The following PEAK1 variants were observed in gnomAD, a reference collection of about 807,000 sequenced individuals.
The protein encoded by PEAK1 is pseudopodium enriched atypical kinase 1.
PEAK1 carries 54 observed loss-of-function variants against 124.7 expected under a neutral mutation model. The ratio of observed to expected loss-of-function variants is 0.43; its 90% confidence interval spans 0.35 to 0.54. The LOEUF (loss-of-function observed/expected upper bound fraction) is 0.54, where lower values mean the gene tolerates loss of function less well. Ranked by LOEUF, PEAK1 falls within the 20% of genes least tolerant of loss-of-function variation. The pLI is 0.01. For missense variants in PEAK1, 2,046 were observed against 2,134.5 expected (o/e 0.96, Z 0.82); for synonymous variants, 719 against 760.0 (o/e 0.95, Z 0.89).
Position 77,182,033 on chromosome 15 carries a change from T to C in PEAK1, c.-107A>G. On this transcript the variant is annotated 5_prime_UTR_variant, in exon 7 of 10. Coordinates refer to ENST00000682557, the MANE Select transcript of PEAK1 (RefSeq NM_001385026.1). ...TGTGTTACAGCAGCTCTTCTAAGAA[T>C]GATCAATCTGTGGAGGGGAAAAGAA... 2.1e-6 allele frequency: 3 copies of C among 1,452,838 alleles called. No individual in the cohort carries two copies. Among genetic ancestry groups the C allele is most frequent in the African/African-American group, 1.4e-5 (1 of 70,612 alleles). 90.0% of individuals were successfully genotyped at this position (1,452,838 alleles called of 1,614,324 possible).
intron 2 of PEAK1, among the ~76,000 whole-genome samples, chr15:77,295,895 C>T (rs1451228679): frequency 6.6e-6 from 1 of 152,142 alleles, no homozygotes; most frequent in African/African-American, 2.4e-5. Flanking sequence ...AAAGCTTCAA[C>T]AGTGAATATT....
chr15:77,326,986 A>G (rs893397097), intron 2 of PEAK1, among the ~76,000 whole-genome samples: 5 of 152,100 alleles, frequency 3.3e-5, no homozygotes, highest in Admixed American at 2.0e-4. Context: ...CCACATCCAA[A>G]AATACTTAGC....
intron 2 of PEAK1, among the ~76,000 whole-genome samples, chr15:77,361,860 C>G (rs1281364344): frequency 6.6e-6 from 1 of 151,120 alleles, no homozygotes; most frequent in Non-Finnish European, 1.5e-5. Flanking sequence ...TGAAGAAAAT[C>G]TGGAATATAT....
chr15:77,145,776 T>G (rs536915796), intron 8 of PEAK1, among the ~76,000 whole-genome samples: 103 of 152,318 alleles, frequency 6.8e-4, no homozygotes, highest in African/African-American at 2.5e-3. Context: ...AGGCTTTCAT[T>G]AAACCTTTAA....
intron 1 of PEAK1, among the ~76,000 whole-genome samples, chr15:77,391,974 A>G (rs1188208653): frequency 1.3e-5 from 2 of 152,218 alleles, no homozygotes; most frequent in Admixed American, 1.3e-4. Context: ...CTTAGCCTAT[A>G]AACTATCTCT....
At chr15:77,222,845 C>T (rs2059450112) in intron 6 of PEAK1, among the ~76,000 whole-genome samples, 1 of 151,958 alleles carries the variant, frequency 6.6e-6, no homozygotes, top group South Asian at 2.1e-4. Context: ...AAATAAAGCG[C>T]AAACAGATTT....
intron 1 of PEAK1, chr15:77,419,065 T>C (rs1440788284): frequency 6.1e-6 from 6 of 985,248 alleles, no homozygotes; most frequent in African/African-American, 1.7e-5. Flanking sequence ...GATGAAATCA[T>C]AGTTTTCCTC....
intron 7 of PEAK1, among the ~76,000 whole-genome samples, chr15:77,162,493 C>CAA (rs71143393): frequency 2.3e-3 from 158 of 70,168 alleles, no homozygotes; most frequent in East Asian, 8.9e-3. Context: ...GACTCCATCT[C>CAA]AAAAAAAAAA....
intron 6 of PEAK1, among the ~76,000 whole-genome samples, chr15:77,225,346 A>G (rs990669475): frequency 6.6e-5 from 10 of 151,980 alleles, no homozygotes; most frequent in African/African-American, 2.4e-4. Flanking sequence ...CTGAGACAGT[A>G]CATTTCATTT....
At chr15:77,305,786 T>C (rs979048273) in intron 2 of PEAK1, among the ~76,000 whole-genome samples, 1 of 152,222 alleles carries the variant, frequency 6.6e-6, no homozygotes, top group African/African-American at 2.4e-5. Context: ...TGTGCACATC[T>C]TCCCGCATAC....
At chr15:77,206,823 T>C (rs1228600941) in intron 6 of PEAK1, among the ~76,000 whole-genome samples, 1 of 152,158 alleles carries the variant, frequency 6.6e-6, no homozygotes, top group African/African-American at 2.4e-5. Flanking sequence ...CAGAAGCTCT[T>C]TAGTTTAATT....
chr15:77,168,500 C>A (rs2056283440), intron 7 of PEAK1, among the ~76,000 whole-genome samples: 1 of 152,168 alleles, frequency 6.6e-6, no homozygotes. Flanking sequence ...CAGCCATAGA[C>A]AACATGTAAA....
At chr15:77,204,649 A>C (rs1171535126) in intron 6 of PEAK1, 1 of 152,622 alleles carries the variant, frequency 6.6e-6, no homozygotes, top group Non-Finnish European at 1.5e-5. Context: ...AAAGGAAGCC[A>C]ATCCCAGCAC....
chr15:77,179,066 C>T lies in PEAK1; in HGVS notation c.2861G>A (p.Gly954Asp). The T allele has an allele frequency of 6.2e-7, 1 of 1,614,118 alleles. No individual in the cohort carries two copies. Residue 954 changes from glycine (G) to aspartate (D), a missense_variant, in exon 7 of 10, where the codon GGC becomes GAC. Gly to Asp is a moderately conservative substitution (Grantham distance 94). Coordinates refer to ENST00000682557, the MANE Select transcript of PEAK1 (RefSeq NM_001385026.1). ...EKEREKGKLV[G>D]LDGTVIHMLP... Reference sequence around the variant, plus strand: ...CATGTGAATGACTGTGCCATCCAGGCCCACCAGTTTCCCTTTCTCTCGCTC... The same window carrying T: ...CATGTGAATGACTGTGCCATCCAGGTCCACCAGTTTCCCTTTCTCTCGCTC...
At chr15:77,329,665 C>T (rs2065784603) in intron 2 of PEAK1, among the ~76,000 whole-genome samples, 1 of 152,164 alleles carries the variant, frequency 6.6e-6, no homozygotes, top group South Asian at 2.1e-4. Flanking sequence ...CATTCATTAG[C>T]AAGGATGACC....
chr15:77,108,151 T>G (rs554916921), downstream of PEAK1: 5 of 152,266 alleles, frequency 3.3e-5, no homozygotes, highest in African/African-American at 1.2e-4. Context: ...GGACAAGCAT[T>G]TGTCTGTTTT....
intron 1 of PEAK1, among the ~76,000 whole-genome samples, chr15:77,393,349 C>T (rs867733103): frequency 7.9e-5 from 12 of 152,084 alleles, no homozygotes; most frequent in Non-Finnish European, 1.5e-4. Flanking sequence ...CAACCCCAGG[C>T]GGTGCAGCTT....
intron 2 of PEAK1, among the ~76,000 whole-genome samples, chr15:77,313,652 A>ATGTGTGTGTGTGTGTGTG (rs775220459): frequency 1.1e-5 from 1 of 90,600 alleles, no homozygotes; most frequent in Non-Finnish European, 2.2e-5. Context: ...GTATGTATGT[A>ATGTGTGTGTGTGTGTGTG]TGTGTGTGTG....
intron 8 of PEAK1, among the ~76,000 whole-genome samples, chr15:77,139,782 T>TAAAC (rs551426398): frequency 9.9e-5 from 15 of 151,936 alleles, no homozygotes; most frequent in Non-Finnish European, 1.8e-4. Flanking sequence ...ATATTAAATA[T>TAAAC]AAACAAACAA....
Sources: allele counts gnomAD v4.1 joint callset (sites outside exome capture counted in the v4.1 genomes callset), GRCh38; gene constraint gnomAD v4.1.1; transcripts MANE v1.5; gene names NCBI Gene and HGNC (gene_info 2026-07-23, HGNC 2026-07-21).